Variants in TRDN observed in about 807,000 individuals in gnomAD.
TRDN encodes the protein triadin.
In TRDN, 161 loss-of-function variants were observed where a neutral mutation model predicts 149.7. The ratio of observed to expected loss-of-function variants is 1.08; its 90% CI spans 0.95 to 1.23. TRDN has a LOEUF of 1.23. Among genes scored for constraint, TRDN ranks in the 50% most tolerant of loss-of-function variants. The pLI is 0.00. For synonymous variants in TRDN, 294 were observed against 250.5 expected, an observed-to-expected ratio of 1.17 and a Z score of -1.64; for missense variants, 896 against 823.5, an observed-to-expected ratio of 1.09 and a Z score of -1.08.
intron 2 of TRDN, among the ~76,000 whole-genome samples, chr6:123,561,610 C>T (rs1395837408): frequency 6.6e-6 from 1 of 152,164 alleles, no homozygotes; most frequent in African/African-American, 2.4e-5. Context: ...GTCCTGGGTC[C>T]TCCCAATTTT....
intron 33 of TRDN, 48 bp downstream of exon 33, chr6:123,265,270 A>C: frequency 7.5e-7 from 1 of 1,339,614 alleles, no homozygotes; most frequent in South Asian, 1.4e-5. Flanking sequence ...TTGTGAAATT[A>C]AAACAATGAA....
chr6:123,568,719 T>C (rs1477992448), intron 2 of TRDN, among the ~76,000 whole-genome samples: 1 of 152,160 alleles, frequency 6.6e-6, no homozygotes, highest in African/African-American at 2.4e-5. Flanking sequence ...GGCAGCACTC[T>C]TCTGAGGCTG....
intron 1 of TRDN, among the ~76,000 whole-genome samples, chr6:123,582,733 C>T (rs1292544440): frequency 6.6e-6 from 1 of 152,108 alleles, no homozygotes; most frequent in African/African-American, 2.4e-5. Flanking sequence ...AGAGGCCTGA[C>T]ATTCCTGTCT....
chr6:123,317,550 T>C (rs899595690), intron 23 of TRDN, among the ~76,000 whole-genome samples: 1 of 152,000 alleles, frequency 6.6e-6, no homozygotes, highest in Non-Finnish European at 1.5e-5. Flanking sequence ...AAAAGTAGTA[T>C]CAGTGCTATT....
intron 1 of TRDN, 109 bp downstream of exon 1, chr6:123,636,645 G>GC (rs1191771133): frequency 1.6e-6 from 2 of 1,288,780 alleles, no homozygotes; most frequent in Non-Finnish European, 2.2e-6. Context: ...ATTGACCAAG[G>GC]CAATTACCTT....
At chr6:123,633,016 G>T (rs1233286499) in intron 1 of TRDN, among the ~76,000 whole-genome samples, 6 of 152,002 alleles carry the variant, frequency 3.9e-5, no homozygotes, top group African/African-American at 1.4e-4. Context: ...ACGTGATTCG[G>T]CTAATGGTAA....
chr6:123,483,066 T>TTTTTTATTA (rs543644350), intron 9 of TRDN, among the ~76,000 whole-genome samples: 50 of 133,362 alleles, frequency 3.7e-4, no homozygotes, highest in African/African-American at 8.1e-4. Context: ...TGATTTCTCA[T>TTTTTTATTA]TTATTATTAT....
chr6:123,465,063 C>T, intron 9 of TRDN, 80 bp from the exon 10 acceptor site: 1 of 1,407,608 alleles, frequency 7.1e-7, no homozygotes, highest in Non-Finnish European at 9.6e-7. Flanking sequence ...CTAGATCTGT[C>T]CCCTACATGC....
intron 35 of TRDN, among the ~76,000 whole-genome samples, chr6:123,256,800 T>C (rs1313001772): frequency 6.6e-6 from 1 of 152,106 alleles, no homozygotes; most frequent in African/African-American, 2.4e-5. Flanking sequence ...TTCCTTTTGC[T>C]GTGCAGAAGC....
chr6:123,485,677 T>C (rs1777941429), intron 9 of TRDN, among the ~76,000 whole-genome samples: 1 of 152,142 alleles, frequency 6.6e-6, no homozygotes, highest in African/African-American at 2.4e-5. Context: ...ATTATGGTTA[T>C]TATAGTCAAG....
At chr6:123,446,938 G>A (rs35802228) in intron 10 of TRDN, among the ~76,000 whole-genome samples, 22,898 of 151,792 alleles carry the variant, frequency 0.15, 2,461 homozygotes, top group African/African-American at 0.31. Flanking sequence ...AAATTTCCTC[G>A]GAATTTTATT....
At chr6:123,219,351 G>A (rs927371683) in intron 40 of TRDN, among the ~76,000 whole-genome samples, 1 of 151,834 alleles carries the variant, frequency 6.6e-6, no homozygotes, top group African/African-American at 2.4e-5. Context: ...GACTCAGTAA[G>A]CCGGTGCTCC....
chr6:123,350,655 G>C (rs1216074506), intron 21 of TRDN: 3 of 755,068 alleles, frequency 4.0e-6, no homozygotes, highest in Non-Finnish European at 4.8e-6. Context: ...TCAGTTATTA[G>C]TAATAGATAT....
chr6:123,449,692 A>T (rs9490760), intron 10 of TRDN, among the ~76,000 whole-genome samples: 1 of 152,198 alleles, frequency 6.6e-6, no homozygotes, highest in South Asian at 2.1e-4. Context: ...AGAGACTTAG[A>T]CATCCAAATA....
chr6:123,259,752 T>G (rs1776695067), intron 34 of TRDN, 90 bp from the exon 35 acceptor site: 5 of 905,128 alleles, frequency 5.5e-6, no homozygotes, highest in Non-Finnish European at 8.2e-6. Flanking sequence ...AGATGAGACT[T>G]AATCTTATGA....
At chr6:123,408,038 G>A (rs1040315564) in intron 12 of TRDN, among the ~76,000 whole-genome samples, 2 of 152,130 alleles carry the variant, frequency 1.3e-5, no homozygotes, top group Non-Finnish European at 2.9e-5. Context: ...TCATTCAACA[G>A]CTCTCTTCCT....
rs572710587 is a variant in TRDN, at chr6:123,474,680, G to A, written c.854-9697C>T. On this transcript the variant is annotated intron_variant, in intron 9 of 40. Transcript: ENST00000334268. ...AATTGACCACATACTTGGAAGTAAA[G>A]CTCTCCTCAGCAAATGTAAAAGAAC... Among the ~76,000 whole-genome samples the A allele has an allele frequency of 4.9e-3, 739 of 151,836 alleles. 4 individuals carry two copies. The highest frequency in any genetic ancestry group is 0.017 in the African/African-American group (683 of 41,330).
chr6:123,407,535 A>G (rs1773245381), intron 12 of TRDN, among the ~76,000 whole-genome samples: 1 of 151,952 alleles, frequency 6.6e-6, no homozygotes, highest in African/African-American at 2.4e-5. Flanking sequence ...CTGTTCAGAG[A>G]CATGTTTCTA....
At chr6:123,516,602 T>C (rs1306397390) in intron 5 of TRDN, among the ~76,000 whole-genome samples, 1 of 152,146 alleles carries the variant, frequency 6.6e-6, no homozygotes, top group African/African-American at 2.4e-5. Flanking sequence ...TTTCTGATCT[T>C]GAAGCAAAGA....
Sources: allele counts gnomAD v4.1 joint callset (sites outside exome capture counted in the v4.1 genomes callset), GRCh38; gene constraint gnomAD v4.1.1; transcripts MANE v1.5; gene names NCBI Gene and HGNC (gene_info 2026-07-23, HGNC 2026-07-21).